Variants in PCDH15 observed in about 807,000 individuals in gnomAD.
PCDH15 encodes protocadherin related 15.
A neutral mutation model predicts 178.5 loss-of-function variants in PCDH15; 129 were observed. The observed-to-expected ratio is 0.72, with a 90% confidence interval of 0.63 to 0.84. The LOEUF is 0.84. PCDH15 is among the 40% of genes least tolerant of loss of function. The pLI is 0.00. For missense variants in PCDH15, 2,230 were observed against 2,099.9 expected (o/e 1.06, Z -1.21); for synonymous variants, 800 against 732.0 (o/e 1.09, Z -1.50).
intron 27 of PCDH15, among the ~76,000 whole-genome samples, chr10:53,862,549 A>C (rs960060494): frequency 6.6e-6 from 1 of 152,208 alleles, no homozygotes; most frequent in Non-Finnish European, 1.5e-5. Context: ...AAGCTAGTCA[A>C]GTTTACAGTG....
At chr10:54,215,545 T>C (rs901661194) in intron 9 of PCDH15, among the ~76,000 whole-genome samples, 2 of 151,962 alleles carry the variant, frequency 1.3e-5, no homozygotes, top group African/African-American at 4.8e-5. Flanking sequence ...TTCATAATAA[T>C]AAAAAAATGA....
At chr10:54,575,431 G>A (rs1241746631) in intron 2 of PCDH15, 1 of 152,306 alleles carries the variant, frequency 6.6e-6, no homozygotes, top group Non-Finnish European at 1.5e-5. Context: ...AACTAAGACA[G>A]AAAAAAATTG....
intron 5 of PCDH15, among the ~76,000 whole-genome samples, chr10:54,361,721 G>A (rs565479679): frequency 1.3e-5 from 2 of 152,056 alleles, no homozygotes; most frequent in East Asian, 3.9e-4. Context: ...TGAATCAAGT[G>A]CAACTTTTCT....
intron 2 of PCDH15, among the ~76,000 whole-genome samples, chr10:55,371,259 G>C (rs1845501692): frequency 6.6e-6 from 1 of 152,046 alleles, no homozygotes; most frequent in South Asian, 2.1e-4. Flanking sequence ...TCTCATACCA[G>C]CACAAATTAC....
chr10:54,745,839 C>G (rs1242540850), intron 1 of PCDH15, among the ~76,000 whole-genome samples: 1 of 152,048 alleles, frequency 6.6e-6, no homozygotes, highest in Admixed American at 6.6e-5. Context: ...ATTTTAATCA[C>G]TAATTATAGC....
At chr10:55,007,236 A>G (rs1384749041) in intron 2 of PCDH15, among the ~76,000 whole-genome samples, 1 of 152,206 alleles carries the variant, frequency 6.6e-6, no homozygotes, top group African/African-American at 2.4e-5. Flanking sequence ...ATATCAATAC[A>G]GTAACAGCCT....
intron 8 of PCDH15, among the ~76,000 whole-genome samples, chr10:54,262,838 A>G (rs943976420): frequency 6.6e-6 from 1 of 151,982 alleles, no homozygotes; most frequent in African/African-American, 2.4e-5. Flanking sequence ...TAGCTCAACA[A>G]TGTGGGAGCA....
At chr10:55,041,402 C>T (rs1840860876) in intron 2 of PCDH15, among the ~76,000 whole-genome samples, 1 of 152,104 alleles carries the variant, frequency 6.6e-6, no homozygotes, top group Non-Finnish European at 1.5e-5. Flanking sequence ...AGGGAATCAT[C>T]ATTAATCTGA....
intron 2 of PCDH15, among the ~76,000 whole-genome samples, chr10:55,481,235 T>C: frequency 1.3e-5 from 2 of 151,930 alleles, no homozygotes; most frequent in Middle Eastern, 6.8e-3. Context: ...GTTTTTTACT[T>C]TATTATTCTA....
At chr10:55,554,354 A>G (rs1842050833) in intron 2 of PCDH15, among the ~76,000 whole-genome samples, 2 of 152,100 alleles carry the variant, frequency 1.3e-5, no homozygotes, top group Non-Finnish European at 2.9e-5. Context: ...TTAATAGACT[A>G]TATTGATAGT....
intron 13 of PCDH15, among the ~76,000 whole-genome samples, chr10:54,165,399 G>A (rs921836080): frequency 2.6e-5 from 4 of 152,084 alleles, no homozygotes; most frequent in African/African-American, 9.7e-5. Context: ...TCCCATCTAT[G>A]CATTTTTCTT....
chr10:54,074,283 A>G (rs746163151), intron 17 of PCDH15, among the ~76,000 whole-genome samples: 2 of 152,106 alleles, frequency 1.3e-5, no homozygotes, highest in East Asian at 3.9e-4. Flanking sequence ...ATCACTATCC[A>G]TCTCTAAAAC....
At chr10:54,415,492 C>G (rs935711362) in intron 3 of PCDH15, among the ~76,000 whole-genome samples, 24 of 151,918 alleles carry the variant, frequency 1.6e-4, no homozygotes, top group South Asian at 2.1e-4. Context: ...TCCATGTTGT[C>G]AAGAAGGCAG....
At chr10:55,474,794 T>A (rs1840031204) in intron 2 of PCDH15, among the ~76,000 whole-genome samples, 1 of 152,148 alleles carries the variant, frequency 6.6e-6, no homozygotes, top group Non-Finnish European at 1.5e-5. Flanking sequence ...GGAACACATA[T>A]GTTTTTCTTT....
chr10:54,977,102 G>A (rs1748502154), intron 2 of PCDH15, among the ~76,000 whole-genome samples: 1 of 152,164 alleles, frequency 6.6e-6, no homozygotes, highest in Non-Finnish European at 1.5e-5. Flanking sequence ...ATAACAGATT[G>A]AACTCAATTA....
Position 54,281,633 on chromosome 10 carries a change from T to C in PCDH15, c.876+35638A>G, listed in dbSNP as rs150220974. 3.9e-5 allele frequency among the ~76,000 whole-genome samples: 6 copies of C among 152,102 alleles called. No homozygotes were observed. The East Asian group carries it at 1.2e-3, about 29-fold the overall frequency. ...AAGCAGAGTCTGCTGCTAGGAAAAA[T>C]TGACCTTTTGTTTTACAATTTATAA... is the stretch of plus-strand genomic sequence containing the variant. On this transcript the variant is annotated intron_variant, in intron 8 of 37. Coordinates refer to ENST00000644397, the MANE Select transcript of PCDH15 (RefSeq NM_001384140.1).
intron 26 of PCDH15, among the ~76,000 whole-genome samples, chr10:53,893,165 T>C (rs945061912): frequency 5.3e-5 from 8 of 152,020 alleles, no homozygotes; most frequent in East Asian, 1.9e-4. Context: ...ATAACAAAAA[T>C]AGCCCAGTTG....
intron 15 of PCDH15, among the ~76,000 whole-genome samples, chr10:54,115,985 AAAG>A (rs1443058106): frequency 6.6e-6 from 1 of 152,198 alleles, no homozygotes; most frequent in African/African-American, 2.4e-5. Context: ...GGAAATAGGA[AAAG>A]AAGAGGTTAA....
At chr10:53,906,542 A>G (rs1347100568) in intron 25 of PCDH15, among the ~76,000 whole-genome samples, 5 of 152,168 alleles carry the variant, frequency 3.3e-5, no homozygotes, top group African/African-American at 1.2e-4. Flanking sequence ...TGAACAAAAA[A>G]GTTGATATTC....
Sources: gnomAD v4.1 joint callset for allele counts (sites outside exome capture counted in the v4.1 genomes callset) on GRCh38, gnomAD v4.1.1 for gene constraint, MANE v1.5 for transcripts, NCBI Gene and HGNC (gene_info 2026-07-23, HGNC 2026-07-21) for gene names.